Variants in SEC62 observed in about 807,000 individuals in gnomAD.
The protein encoded by SEC62 is translocation protein SEC62.
SEC62 carries 10 observed loss-of-function variants against 47.5 expected under a neutral mutation model. The ratio of observed to expected loss-of-function variants is 0.21; its 90% CI spans 0.13 to 0.36. SEC62 has a LOEUF of 0.36. Ranked by LOEUF, SEC62 falls within the 10% of genes least tolerant of loss-of-function variation. SEC62 has a pLI of 1.00. For missense variants in SEC62, 327 were observed against 464.1 expected (o/e 0.70, Z 2.71); for synonymous variants, 136 against 150.5 (o/e 0.90, Z 0.71).
At chr3:169,973,022 G>A (rs1031617073) in intron 1 of SEC62, among the ~76,000 whole-genome samples, 5 of 152,152 alleles carry the variant, frequency 3.3e-5, no homozygotes, top group Non-Finnish European at 7.3e-5. Flanking sequence ...TTGAGCATGT[G>A]TGGTGTGATT....
At chr3:169,974,170 C>G (rs1357042092) in intron 1 of SEC62, among the ~76,000 whole-genome samples, 2 of 152,112 alleles carry the variant, frequency 1.3e-5, no homozygotes, top group Admixed American at 6.5e-5. Context: ...TTCTTAGCAT[C>G]TTAGATTCTT....
At chr3:169,986,489 A>G (rs987190315) in intron 6 of SEC62, among the ~76,000 whole-genome samples, 3 of 152,222 alleles carry the variant, frequency 2.0e-5, no homozygotes, top group Non-Finnish European at 2.9e-5. Flanking sequence ...ACCCTATGCC[A>G]TAATCACAGT....
intron 1 of SEC62, among the ~76,000 whole-genome samples, chr3:169,973,897 A>G (rs1027704704): frequency 4.6e-5 from 7 of 152,190 alleles, no homozygotes; most frequent in Non-Finnish European, 1.0e-4. Context: ...CGAAATACAA[A>G]GGAAGAAATG....
rs1296619577 is a variant in SEC62 at position 169,977,629 on chromosome 3, T to G, written c.251+578T>G. On this transcript the variant is annotated intron_variant, in intron 3 of 7. Transcript: ENST00000337002. ...TTTTCTGTTTTGAAAAAACTTTTGA[T>G]GTTAAGTGGTTTACCTAAAAGACAA... Among the ~76,000 whole-genome samples, 5 of 152,210 alleles carry G rather than the reference T, an allele frequency of 3.3e-5. No individual in the cohort carries two copies. The East Asian group carries it at 9.6e-4, about 29-fold the overall frequency.
At chr3:169,975,530 A>G in intron 1 of SEC62, 78 bp from the exon 2 acceptor site, 1 of 957,290 alleles carries the variant, frequency 1.0e-6, no homozygotes, top group Non-Finnish European at 1.6e-6. Flanking sequence ...GATTCATAAA[A>G]TAGATTTGTA....
At chr3:169,981,087 T>G (rs1201214582) in intron 3 of SEC62, among the ~76,000 whole-genome samples, 1 of 152,212 alleles carries the variant, frequency 6.6e-6, no homozygotes, top group East Asian at 1.9e-4. Flanking sequence ...TTTGTACTCA[T>G]AAGTAGTTAA....
At chr3:169,967,504 C>G (rs943860991) in intron 1 of SEC62, among the ~76,000 whole-genome samples, 1 of 152,168 alleles carries the variant, frequency 6.6e-6, no homozygotes. Flanking sequence ...GTGGTGTAAA[C>G]AACCACAACC....
At chr3:169,989,723 A>T (rs1461949026) in intron 7 of SEC62, among the ~76,000 whole-genome samples, 3 of 152,020 alleles carry the variant, frequency 2.0e-5, no homozygotes, top group Non-Finnish European at 4.4e-5. Flanking sequence ...GCTGTTTAAA[A>T]TATTGTTTCT....
rs372960886 is a variant in SEC62 at position 169,982,914 on chromosome 3, G to A, written c.456+3G>A. The A allele has an allele frequency of 6.4e-7, 1 of 1,563,122 alleles. No homozygotes were observed. The highest frequency in any genetic ancestry group is 8.6e-7 in the Non-Finnish European group (1 of 1,165,914). ...GTGAAAAGGAAGAATCCAAAAAGGT[G>A]AGTTAATCTAAAATTAAGTAAAAAT... On this transcript the variant is annotated splice_donor_region_variant and intron_variant, in intron 4 of 7. Transcript: ENST00000337002.
At chr3:169,976,419 G>A (rs1007817488) in intron 2 of SEC62, among the ~76,000 whole-genome samples, 6 of 151,796 alleles carry the variant, frequency 4.0e-5, no homozygotes, top group Admixed American at 2.0e-4. Context: ...GTCCTTTATC[G>A]TCTCTTTCTT....
Position 169,993,295 on chromosome 3 carries a change from GTAGGTC to G in SEC62, c.*234_*239del, listed in dbSNP as rs1715292027. ...TATCCATTTGATAATTTTACAGTAA[GTAGGTC>G]TCATTCATTTTGACAGTTATCAAAG... On this transcript the variant is annotated 3_prime_UTR_variant, in exon 8 of 8. Transcript: ENST00000337002. 2 of 400,394 alleles carry G rather than the reference GTAGGTC, an allele frequency of 5.0e-6. No individual in the cohort carries two copies. Among genetic ancestry groups the G allele is most frequent in the Non-Finnish European group, 8.9e-6 (2 of 224,886 alleles). 24.8% of individuals were successfully genotyped at this position (400,394 alleles called of 1,614,324 possible).
intron 1 of SEC62, among the ~76,000 whole-genome samples, chr3:169,970,606 G>A (rs1214312683): frequency 2.0e-5 from 3 of 152,172 alleles, no homozygotes; most frequent in Non-Finnish European, 4.4e-5. Flanking sequence ...TTTTATAAGA[G>A]TATTCTAACC....
rs79245142 is a variant in SEC62 at position 169,976,264 on chromosome 3, C to T, written c.145+548C>T. 5.5e-3 allele frequency among the ~76,000 whole-genome samples: 831 copies of T among 152,168 alleles called. 40 individuals carry two copies. In the East Asian group the frequency reaches 0.13, roughly 24 times the overall value. On this transcript the variant is annotated intron_variant, in intron 2 of 7. Transcript: ENST00000337002. ...AATTAGATGAGTATGATGGCATGCG[C>T]CTCTGAAGTGAGAGGATGGCTTGAG...
chr3:169,968,021 C>G (rs985993008), intron 1 of SEC62, among the ~76,000 whole-genome samples: 3 of 152,026 alleles, frequency 2.0e-5, no homozygotes, highest in Non-Finnish European at 4.4e-5. Context: ...TGGAATTTGG[C>G]AGAAATAAAG....
At chr3:169,983,474 A>T (rs1267875679) in intron 5 of SEC62, 3 of 337,200 alleles carry the variant, frequency 8.9e-6, no homozygotes, top group African/African-American at 2.2e-5. Context: ...AAAGCATCTT[A>T]ATACAAAATA....
At chr3:169,977,396 T>G (rs1333224719) in intron 3 of SEC62, among the ~76,000 whole-genome samples, 1 of 152,114 alleles carries the variant, frequency 6.6e-6, no homozygotes, top group Admixed American at 6.6e-5. Flanking sequence ...TTGCAGGAAT[T>G]CCTATTAGCT....
Position 169,992,058 on chromosome 3 carries a change from C to T in SEC62, c.731-536C>T, listed in dbSNP as rs1324369725. ...GAAGTATGATGCAGCCCTGCTTTTC[C>T]TTCTTAAAGGCTTCCTTCCTAAACA... is the stretch of plus-strand genomic sequence containing the variant. On this transcript the variant is annotated intron_variant, in intron 7 of 7. Transcript: ENST00000337002. This position sits in a 1 kb window ranked among gnomAD's most constrained non-coding sequence, Gnocchi z 4.0. 1.3e-5 allele frequency among the ~76,000 whole-genome samples: 2 copies of T among 152,084 alleles called. No individual in the cohort carries two copies. Among genetic ancestry groups the T allele is most frequent in the Non-Finnish European group, 2.9e-5 (2 of 68,010 alleles).
At position 169,995,390 on chromosome 3, in the gene SEC62, C is replaced by G. The variant is rs1715349974; in HGVS notation, c.*2327C>G. ...TCAATGTATTAAATAAGGTATTTTT[C>G]CTTTTCCCTCTTACTGGATTTTTCA... On this transcript the variant is annotated 3_prime_UTR_variant, in exon 8 of 8. Coordinates refer to ENST00000337002, the MANE Select transcript of SEC62 (RefSeq NM_003262.4). The G allele has an allele frequency of 1.3e-5, 2 of 152,176 alleles. No individual in the cohort carries two copies. The highest frequency in any genetic ancestry group is 4.1e-4 in the South Asian group (2 of 4,830). The allele number at this position is 152,176 out of a possible 1,614,324, so 9.4% of individuals were successfully genotyped here.
chr3:169,979,791 T>C (rs781605134), intron 3 of SEC62, among the ~76,000 whole-genome samples: 7 of 152,204 alleles, frequency 4.6e-5, no homozygotes, highest in Non-Finnish European at 1.0e-4. Context: ...ATTTTAGAAT[T>C]GCTACATATG....
Sources: allele counts gnomAD v4.1 joint callset (sites outside exome capture counted in the v4.1 genomes callset), GRCh38; gene constraint gnomAD v4.1.1; non-coding constraint Gnocchi (gnomAD v3.1); transcripts MANE v1.5; gene names NCBI Gene and HGNC (gene_info 2026-07-23, HGNC 2026-07-21).